Variants in TOM1L2 observed in about 807,000 individuals in gnomAD.
The protein encoded by TOM1L2 is target of myb1 like 2 membrane trafficking protein.
Under a neutral mutation model 67.9 loss-of-function variants are expected in TOM1L2, and 31 were observed. That is an observed-to-expected ratio of 0.46 (90% CI 0.34 to 0.62). The LOEUF (loss-of-function observed/expected upper bound fraction) is 0.62. Among genes scored for constraint, TOM1L2 ranks in the 20% least tolerant of loss-of-function variants. The probability of loss-of-function intolerance (pLI) is 0.01; values close to 1 mark genes in which losing one functional copy is unlikely to be tolerated. For synonymous variants in TOM1L2, 256 were observed against 254.0 expected (o/e 1.01, Z -0.07); for missense variants, 606 against 663.5 (o/e 0.91, Z 0.95).
intron 5 of TOM1L2, 108 bp from the exon 6 acceptor site, chr17:17,882,971 C>G: frequency 7.4e-7 from 1 of 1,347,144 alleles, no homozygotes; most frequent in Non-Finnish European, 1.0e-6. Flanking sequence ...CCACGAAAGG[C>G]TCAAGGCCCT....
rs183297969 is a variant in TOM1L2 at position 17,961,518 on chromosome 17, G to T, written c.52+10744C>A. Among the ~76,000 whole-genome samples the T allele has an allele frequency of 1.6e-4, 25 of 152,068 alleles. 1 individual carries two copies. In the East Asian group the frequency reaches 1.7e-3, roughly 11 times the overall value. On this transcript the variant is annotated intron_variant, in intron 1 of 14. Coordinates refer to ENST00000379504, the MANE Select transcript of TOM1L2 (RefSeq NM_001082968.2). ...CGAGTTCAGAAGTTCGAGGCTGCAG[G>T]GAGCTATGATCATGCCACTGTACTC... is the stretch of plus-strand genomic sequence containing the variant.
intron 1 of TOM1L2, among the ~76,000 whole-genome samples, chr17:17,968,681 AG>A (rs1466052157): frequency 1.5e-4 from 22 of 142,508 alleles, no homozygotes; most frequent in African/African-American, 5.3e-4. Flanking sequence ...AAAAAAAAAA[AG>A]AATGTAGTCT....
intron 1 of TOM1L2, among the ~76,000 whole-genome samples, chr17:17,941,542 G>A (rs1011302575): frequency 4.6e-5 from 7 of 152,062 alleles, no homozygotes; most frequent in Admixed American, 3.3e-4. Flanking sequence ...TTTAGAATAG[G>A]GATTCCAAGC....
intron 1 of TOM1L2, among the ~76,000 whole-genome samples, chr17:17,967,570 C>T (rs986993031): frequency 6.6e-6 from 1 of 152,210 alleles, no homozygotes; most frequent in Non-Finnish European, 1.5e-5. Flanking sequence ...TTCCACCACA[C>T]TTCTTAGCCT....
chr17:17,944,652 C>T (rs1271464538), intron 1 of TOM1L2, among the ~76,000 whole-genome samples: 3 of 152,206 alleles, frequency 2.0e-5, no homozygotes, highest in Non-Finnish European at 4.4e-5. Flanking sequence ...AATCTATGAG[C>T]TAACACAATG....
chr17:17,865,236 T>C (rs1007312265), intron 10 of TOM1L2, among the ~76,000 whole-genome samples: 1 of 152,230 alleles, frequency 6.6e-6, no homozygotes, highest in Non-Finnish European at 1.5e-5. Flanking sequence ...TCAGTGCTGC[T>C]ACCTCCTGTT....
At chr17:17,873,376 C>T (rs2143907097) in intron 7 of TOM1L2, among the ~76,000 whole-genome samples, 1 of 152,262 alleles carries the variant, frequency 6.6e-6, no homozygotes, top group African/African-American at 2.4e-5. Flanking sequence ...CCACCCCACC[C>T]TCCTCAAGAC....
At chr17:17,972,229 T>C (rs1485680989) in intron 1 of TOM1L2, 33 bp downstream of exon 1, 6 of 1,548,404 alleles carry the variant, frequency 3.9e-6, no homozygotes, top group Admixed American at 2.0e-5. Context: ...GCGGCCGCCG[T>C]TGCCCAGCCT....
intron 7 of TOM1L2, among the ~76,000 whole-genome samples, chr17:17,878,509 GC>G (rs58495771): frequency 0.049 from 7,509 of 152,270 alleles, 523 homozygotes; most frequent in African/African-American, 0.15. Context: ...CCCCATAAGA[GC>G]CGATGGCTTT....
chr17:17,957,042 A>C (rs747508549), intron 1 of TOM1L2, among the ~76,000 whole-genome samples: 58 of 152,232 alleles, frequency 3.8e-4, no homozygotes, highest in Non-Finnish European at 7.5e-4. Context: ...ACAGTGGCAC[A>C]ATCATAGCTC....
intron 4 of TOM1L2, among the ~76,000 whole-genome samples, chr17:17,891,783 A>C (rs2038290638): frequency 8.6e-6 from 1 of 115,820 alleles, no homozygotes; most frequent in African/African-American, 4.0e-5. Flanking sequence ...GTGCATGCAC[A>C]CGTGTGTGTG....
intron 1 of TOM1L2, among the ~76,000 whole-genome samples, chr17:17,923,621 T>C (rs62064158): frequency 0.49 from 74,031 of 151,656 alleles, 19,116 homozygotes; most frequent in East Asian, 0.86. Context: ...GGCTAGGAGG[T>C]CAAGGCTACA....
At chr17:17,882,529 C>G (rs1222082326) in intron 6 of TOM1L2, among the ~76,000 whole-genome samples, 176 bp downstream of exon 6, 1 of 152,196 alleles carries the variant, frequency 6.6e-6, no homozygotes, top group Non-Finnish European at 1.5e-5. Context: ...CACAGCCTGA[C>G]CACAATCCAT....
At chr17:17,936,669 A>T (rs573719702) in intron 1 of TOM1L2, among the ~76,000 whole-genome samples, 34 of 152,328 alleles carry the variant, frequency 2.2e-4, no homozygotes, top group African/African-American at 8.2e-4. Flanking sequence ...TAGTCATTTA[A>T]TAATGATATT....
At chr17:17,908,333 A>C (rs1312703634) in intron 1 of TOM1L2, among the ~76,000 whole-genome samples, 1 of 152,256 alleles carries the variant, frequency 6.6e-6, no homozygotes, top group Non-Finnish European at 1.5e-5. Flanking sequence ...TAAATGTAAG[A>C]GCTCAAACTA....
intron 4 of TOM1L2, among the ~76,000 whole-genome samples, chr17:17,887,359 G>A (rs141551894): frequency 1.6e-4 from 24 of 152,324 alleles, no homozygotes; most frequent in African/African-American, 4.3e-4. Context: ...GTGCAGGGGC[G>A]CCTCTGAATA....
At chr17:17,923,392 A>G (rs2039957543) in intron 1 of TOM1L2, among the ~76,000 whole-genome samples, 1 of 151,802 alleles carries the variant, frequency 6.6e-6, no homozygotes, top group Non-Finnish European at 1.5e-5. Context: ...CAAGAGTGAA[A>G]CTCCATCTCA....
chr17:17,964,278 G>C (rs2145049262), intron 1 of TOM1L2, among the ~76,000 whole-genome samples: 1 of 152,290 alleles, frequency 6.6e-6, no homozygotes, highest in Admixed American at 6.5e-5. Flanking sequence ...CAACATTTCT[G>C]GGTGATTTAT....
At chr17:17,907,639 G>A in intron 1 of TOM1L2, 108 bp from the exon 2 acceptor site, 1 of 942,920 alleles carries the variant, frequency 1.1e-6, no homozygotes, top group Non-Finnish European at 1.6e-6. Flanking sequence ...AAGCAGATGG[G>A]CTGAGCCAAC....
Sources: gnomAD v4.1 joint callset for allele counts (sites outside exome capture counted in the v4.1 genomes callset) on GRCh38, gnomAD v4.1.1 for gene constraint, MANE v1.5 for transcripts, NCBI Gene and HGNC (gene_info 2026-07-23, HGNC 2026-07-21) for gene names.